NTRK3: variants seen among roughly 807,000 people sequenced by gnomAD.
The protein encoded by NTRK3 is neurotrophic receptor tyrosine kinase 3, also known as NT-3 growth factor receptor.
NTRK3 carries 24 observed loss-of-function variants against 91.7 expected under a neutral mutation model. The observed-to-expected ratio is 0.26, with a 90% confidence interval of 0.19 to 0.37. NTRK3 has a LOEUF of 0.37. NTRK3 is among the 10% of genes least tolerant of loss of function. The probability of loss-of-function intolerance (pLI) is 1.00; values close to 1 mark genes in which losing one functional copy is unlikely to be tolerated. For synonymous variants in NTRK3, 483 were observed against 404.0 expected, an observed-to-expected ratio of 1.20 and a Z score of -2.34; for missense variants, 880 against 1,068.9, an observed-to-expected ratio of 0.82 and a Z score of 2.46.
In NTRK3 at chr15:88,232,182, C is replaced by CTA. The variant is rs200409641; in HGVS notation, c.248+23723_248+23724insTA. 2.9e-3 allele frequency among the ~76,000 whole-genome samples: 443 copies of CTA among 152,246 alleles called. 1 individual carries two copies. The highest frequency in any genetic ancestry group is 0.01 in the African/African-American group (430 of 41,546). On this transcript the variant is annotated intron_variant, in intron 3 of 18. Transcript: ENST00000394480. ...TTCCGCCTGAAATGTCCTGCCTCAC[C>CTA]TCCCTCTCTATCCAGGTCCTACCTG...
chr15:87,971,342 C>T (rs1395789968), intron 14 of NTRK3, among the ~76,000 whole-genome samples: 1 of 152,176 alleles, frequency 6.6e-6, no homozygotes, highest in Non-Finnish European at 1.5e-5. Context: ...GCTGTGCCCT[C>T]CTGGCCAGGG....
intron 14 of NTRK3, among the ~76,000 whole-genome samples, chr15:88,032,281 G>C (rs1230520964): frequency 6.6e-6 from 1 of 152,104 alleles, no homozygotes; most frequent in Non-Finnish European, 1.5e-5. Flanking sequence ...AGATGAGAGG[G>C]AAACAGGTGC....
intron 13 of NTRK3, among the ~76,000 whole-genome samples, chr15:88,050,881 T>A (rs1596997438): frequency 6.6e-6 from 1 of 152,228 alleles, no homozygotes; most frequent in East Asian, 1.9e-4. Context: ...CCTGTACTCA[T>A]CCTACAATAT....
chr15:87,863,980 C>CACACACACACAT (rs1178438503), exon 19 of NTRK3: 200 of 200,250 alleles, frequency 1.0e-3, no homozygotes, highest in African/African-American at 3.7e-3. Flanking sequence ...AAAATACACA[C>CACACACACACAT]ACACACACAC....
intron 13 of NTRK3, among the ~76,000 whole-genome samples, chr15:88,107,991 G>A (rs2050896755): frequency 6.6e-6 from 1 of 152,094 alleles, no homozygotes; most frequent in Non-Finnish European, 1.5e-5. Flanking sequence ...GGGCAGGTAG[G>A]GGCAGACCCA....
intron 13 of NTRK3, among the ~76,000 whole-genome samples, chr15:88,119,265 C>T (rs2052440380): frequency 6.6e-6 from 1 of 152,218 alleles, no homozygotes; most frequent in African/African-American, 2.4e-5. Context: ...GCACCACATT[C>T]TAGAACTCAG....
chr15:87,961,831 A>G (rs2072324571), intron 14 of NTRK3, among the ~76,000 whole-genome samples: 1 of 152,238 alleles, frequency 6.6e-6, no homozygotes, highest in South Asian at 2.1e-4. Context: ...TCTCAACCCC[A>G]TTGCAAGGAA....
chr15:87,981,173 G>A lies in NTRK3; in HGVS notation c.1586-40420C>T, dbSNP rs1055898883. ...TCTTAAGGTCTTAAGAACCAAAATT[G>A]GTTAGGGGAGGGATCTTTACTGCAT... On this transcript the variant is annotated intron_variant, in intron 14 of 18. Transcript: ENST00000394480. The A allele has an allele frequency of 3.2e-6, 5 of 1,551,836 alleles. No homozygotes were observed. In the Admixed American group the frequency reaches 9.8e-5, roughly 30 times the overall value.
At chr15:88,016,631 T>C (rs906355203) in intron 14 of NTRK3, among the ~76,000 whole-genome samples, 9 of 152,230 alleles carry the variant, frequency 5.9e-5, no homozygotes, top group African/African-American at 2.2e-4. Context: ...ATTCCAACAC[T>C]GTAAGATGAT....
At chr15:87,972,579 C>T (rs554247470) in intron 14 of NTRK3, among the ~76,000 whole-genome samples, 10 of 152,286 alleles carry the variant, frequency 6.6e-5, no homozygotes, top group South Asian at 4.1e-4. Flanking sequence ...TCTTGACTTA[C>T]GCCAAAGGCC....
chr15:87,948,285 A>C (rs1005264028), intron 14 of NTRK3, among the ~76,000 whole-genome samples: 2 of 152,362 alleles, frequency 1.3e-5, no homozygotes, highest in African/African-American at 4.8e-5. Flanking sequence ...GAGAAAAAAG[A>C]GGATCTCCTG....
intron 18 of NTRK3, among the ~76,000 whole-genome samples, chr15:87,879,291 G>A (rs1386675726): frequency 6.6e-6 from 1 of 152,130 alleles, no homozygotes; most frequent in Non-Finnish European, 1.5e-5. Context: ...CCAGCAAACA[G>A]AAGACCATAA....
At chr15:88,058,219 T>C (rs200960360) in intron 13 of NTRK3, among the ~76,000 whole-genome samples, 2 of 151,838 alleles carry the variant, frequency 1.3e-5, no homozygotes, top group Non-Finnish European at 2.9e-5. Context: ...GAGTGGCAGG[T>C]AAGCACCAGG....
intron 14 of NTRK3, among the ~76,000 whole-genome samples, chr15:88,006,404 T>C (rs983806732): frequency 2.0e-5 from 3 of 152,236 alleles, no homozygotes; most frequent in African/African-American, 7.2e-5. Context: ...CTGAAGCACC[T>C]GGTGCAATGC....
At chr15:88,228,184 G>A (rs543293199) in intron 3 of NTRK3, among the ~76,000 whole-genome samples, 2 of 152,060 alleles carry the variant, frequency 1.3e-5, no homozygotes, top group African/African-American at 4.8e-5. Context: ...CTCTCTCCTG[G>A]GCTCCCCACT....
At chr15:88,066,429 T>C (rs377739141) in intron 13 of NTRK3, among the ~76,000 whole-genome samples, 5 of 152,304 alleles carry the variant, frequency 3.3e-5, no homozygotes, top group African/African-American at 9.6e-5. Context: ...TGAAAGCCCA[T>C]AGAGAAATGG....
Position 87,930,940 on chromosome 15 carries a change from C to A in NTRK3, c.1890-1506G>T, listed in dbSNP as rs16941033. 5.4e-3 allele frequency: 1,133 copies of A among 208,578 alleles called. 16 individuals are homozygous for A. The highest frequency in any genetic ancestry group is 0.03 in the East Asian group (204 of 6,766). 12.9% of individuals were successfully genotyped at this position (208,578 alleles called of 1,614,324 possible). On this transcript the variant is annotated intron_variant, in intron 16 of 18. Coordinates refer to ENST00000394480, the Ensembl canonical transcript of NTRK3. Reference sequence around the variant, plus strand: ...GACACAGAGGTCTTCAGAGTGTCAGCAAGTCCTTGTAGAACTGTACTCACA... The same window carrying A: ...GACACAGAGGTCTTCAGAGTGTCAGAAAGTCCTTGTAGAACTGTACTCACA...
intron 14 of NTRK3, among the ~76,000 whole-genome samples, chr15:88,027,390 C>A (rs1385662834): frequency 6.6e-6 from 1 of 151,958 alleles, no homozygotes; most frequent in Non-Finnish European, 1.5e-5. Flanking sequence ...GTTTCTTTTT[C>A]TTTTTCTTTT....
chr15:88,141,387 A>T (rs2042373092), intron 6 of NTRK3, among the ~76,000 whole-genome samples: 1 of 152,214 alleles, frequency 6.6e-6, no homozygotes, highest in Non-Finnish European at 1.5e-5. Flanking sequence ...AGGCCAGATG[A>T]GCTGCCCAGT....
Sources: gnomAD v4.1 joint callset for allele counts (sites outside exome capture counted in the v4.1 genomes callset) on GRCh38, gnomAD v4.1.1 for gene constraint, MANE v1.5 for transcripts, NCBI Gene and HGNC (gene_info 2026-07-23, HGNC 2026-07-21) for gene names.